The following PLAAT2 variants were observed in gnomAD, a reference collection of about 807,000 sequenced individuals.
PLAAT2 encodes phospholipase A and acyltransferase 2.
In PLAAT2, 12 loss-of-function variants were observed where a neutral mutation model predicts 12.8. That is an observed-to-expected ratio of 0.94 (90% confidence interval 0.60 to 1.52). The LOEUF (loss-of-function observed/expected upper bound fraction) is 1.52, where lower values mean the gene tolerates loss of function less well. PLAAT2 is among the 40% of genes most tolerant of loss of function. The pLI is 0.00. For synonymous variants in PLAAT2, 79 were observed against 86.8 expected (o/e 0.91, Z 0.50); for missense variants, 166 against 208.1 (o/e 0.80, Z 1.24).
chr11:63,555,959 A>T (rs2134369460), intron 3 of PLAAT2, among the ~76,000 whole-genome samples: 1 of 152,356 alleles, frequency 6.6e-6, no homozygotes, highest in Non-Finnish European at 1.5e-5. Flanking sequence ...TGTTCGTTAG[A>T]ACAAATGGTA....
In PLAAT2 at chr11:63,558,458, C is replaced by T. The variant is rs1278827542; in HGVS notation, c.321G>A (p.Ser107=). ...AGTGCTCGCAGTTGTCACTGGTCAG[C>T]GAATAAGGCAACTCCTGCCCCACCA... The part of the protein sequence containing the change: ...EELVGQELPY[S]LTSDNCEHFV... The change falls in exon 3 of 4, where the codon TCG becomes TCA. Residue 107 remains serine, a synonymous_variant. Coordinates refer to ENST00000255695, the MANE Select transcript of PLAAT2 (RefSeq NM_017878.2). The T allele has an allele frequency of 1.9e-6, 3 of 1,614,198 alleles. No individual in the cohort carries two copies. The highest frequency in any genetic ancestry group is 2.2e-5 in the East Asian group (1 of 44,884).
intron 3 of PLAAT2, among the ~76,000 whole-genome samples, chr11:63,554,354 G>T (rs974254158): frequency 1.3e-5 from 2 of 151,486 alleles, no homozygotes; most frequent in South Asian, 2.1e-4. Flanking sequence ...CAAAGGCCGG[G>T]GGGGCGGTGG....
In PLAAT2 at chr11:63,563,371, C is replaced by CAG; in HGVS notation, c.-48_-47insCT. The CAG allele has an allele frequency of 6.2e-7, 1 of 1,613,364 alleles. No homozygotes were observed. Among genetic ancestry groups the CAG allele is most frequent in the South Asian group, 1.1e-5 (1 of 91,062 alleles). On this transcript the variant is annotated 5_prime_UTR_variant, in exon 1 of 4. Transcript: ENST00000255695. ...TGTGTGTTGCTGACTCTGTGTCCAG[C>CAG]CTTAAATTAGCTCTGAGTTTCACTT...
At chr11:63,555,365 T>A (rs908717999) in intron 3 of PLAAT2, among the ~76,000 whole-genome samples, 4 of 152,242 alleles carry the variant, frequency 2.6e-5, no homozygotes, top group African/African-American at 4.8e-5. Flanking sequence ...TACACATTTT[T>A]AAAATACAGT....
intron 2 of PLAAT2, 95 bp downstream of exon 2, chr11:63,559,990 C>G (rs1333078626): frequency 2.5e-6 from 2 of 801,370 alleles, no homozygotes; most frequent in South Asian, 1.7e-5. Context: ...AGTGCCTACT[C>G]TGCTAGACCC....
upstream of PLAAT2, among the ~76,000 whole-genome samples, chr11:63,563,680 T>C (rs866334008): frequency 2.9e-5 from 4 of 137,096 alleles, no homozygotes; most frequent in Admixed American, 8.3e-5. Context: ...GTCGTGCCAC[T>C]GCACTCTAGC....
intron 3 of PLAAT2, among the ~76,000 whole-genome samples, chr11:63,554,550 C>T (rs2017448778): frequency 6.6e-6 from 1 of 151,640 alleles, no homozygotes; most frequent in African/African-American, 2.4e-5. Flanking sequence ...ATTGCTTGAA[C>T]CCAGGAGGCA....
Position 63,554,236 on chromosome 11 carries a change from C to G in PLAAT2, c.388-1171G>C, listed in dbSNP as rs114254660. Among the ~76,000 whole-genome samples the G allele has an allele frequency of 7.6e-3, 1,153 of 152,156 alleles. 15 individuals carry two copies. Among genetic ancestry groups the G allele is most frequent in the African/African-American group, 0.026 (1,079 of 41,506 alleles). On this transcript the variant is annotated intron_variant, in intron 3 of 3. Transcript: ENST00000255695. ...ATATCAGCACTGTGCTGGGAACTCT[C>G]CAGGCCCAGTATTTTTTTTAATCTG...
rs530690235 is a variant in PLAAT2 at position 63,562,763 on chromosome 11, TG to T, written c.9+552del. On this transcript the variant is annotated intron_variant, in intron 1 of 3. Coordinates refer to ENST00000255695, the MANE Select transcript of PLAAT2 (RefSeq NM_017878.2). Reference sequence around the variant, plus strand: ...AGCACTTGGGAAATGTGGCTGCTATTGGGTCTAAAGGAAGAAGGAAACTAAG... The same window carrying T: ...AGCACTTGGGAAATGTGGCTGCTATTGGTCTAAAGGAAGAAGGAAACTAAG... 1.1e-3 allele frequency among the ~76,000 whole-genome samples: 172 copies of T among 152,324 alleles called. 1 individual carries two copies. Among genetic ancestry groups the T allele is most frequent in the African/African-American group, 3.8e-3 (159 of 41,576 alleles).
intron 3 of PLAAT2, among the ~76,000 whole-genome samples, 186 bp downstream of exon 3, chr11:63,558,206 C>T (rs966591059): frequency 6.6e-6 from 1 of 152,188 alleles, no homozygotes; most frequent in Non-Finnish European, 1.5e-5. Context: ...ACATTGCCGA[C>T]TTGCCTATCT....
upstream of PLAAT2, among the ~76,000 whole-genome samples, chr11:63,564,843 CCT>C (rs148074054): frequency 6.4e-3 from 970 of 152,238 alleles, 12 homozygotes; most frequent in African/African-American, 0.02. Flanking sequence ...ACATCACACC[CCT>C]GTTTCCTGGG....
rs1221992309 is a variant in PLAAT2, at chr11:63,563,302, T to C, written c.9+14A>G. On this transcript the variant is annotated intron_variant, in intron 1 of 3. Transcript: ENST00000255695. Reference sequence around the variant, plus strand: ...CCTCAAATCAAAGCTTTAAAACCGTTTCTGGGGACTTACCAAAGCCATCCT... The same window carrying C: ...CCTCAAATCAAAGCTTTAAAACCGTCTCTGGGGACTTACCAAAGCCATCCT... The C allele has an allele frequency of 1.9e-6, 3 of 1,613,908 alleles. No individual in the cohort carries two copies. The highest frequency in any genetic ancestry group is 1.3e-5 in the African/African-American group (1 of 74,908).
chr11:63,555,685 G>A (rs2017460362), intron 3 of PLAAT2, among the ~76,000 whole-genome samples: 1 of 152,218 alleles, frequency 6.6e-6, no homozygotes, highest in Non-Finnish European at 1.5e-5. Context: ...CAGCCTGGGT[G>A]ACAGAGTGAG....
At chr11:63,558,136 A>AG (rs936404786) in intron 3 of PLAAT2, among the ~76,000 whole-genome samples, 4 of 152,228 alleles carry the variant, frequency 2.6e-5, no homozygotes, top group African/African-American at 9.6e-5. Flanking sequence ...AGGGCTGTGG[A>AG]GGGCTGTTTC....
rs781640640 is a variant in PLAAT2, at chr11:63,558,442, A to C, written c.337T>G (p.Cys113Gly). The C allele has an allele frequency of 6.2e-7, 1 of 1,614,208 alleles. No homozygotes were observed. Among genetic ancestry groups the C allele is most frequent in the Non-Finnish European group, 8.5e-7 (1 of 1,180,046 alleles). ...ELPYSLTSDN[C>G]EHFVNHLRYG... ...CGCAGATGGTTCACGAAGTGCTCGCAGTTGTCACTGGTCAGCGAATAAGGC... is the reference window on the plus strand; with the variant it reads ...CGCAGATGGTTCACGAAGTGCTCGCCGTTGTCACTGGTCAGCGAATAAGGC... Residue 113 changes from cysteine (C) to glycine (G), a missense_variant, in exon 3 of 4, where the codon TGC becomes GGC. Coordinates refer to ENST00000255695, the MANE Select transcript of PLAAT2 (RefSeq NM_017878.2).
In PLAAT2 at chr11:63,559,987, A is replaced by G. The variant is rs2017503101; in HGVS notation, c.118+98T>C. On this transcript the variant is annotated intron_variant, in intron 2 of 3. Transcript: ENST00000255695. ...ATTCAGCATTATGTATTGAGTGCCTACTCTGCTAGACCCTGAAGTGAGGAC... is the reference window on the plus strand; with the variant it reads ...ATTCAGCATTATGTATTGAGTGCCTGCTCTGCTAGACCCTGAAGTGAGGAC... 3 of 744,738 alleles carry G rather than the reference A, an allele frequency of 4.0e-6. No homozygotes were observed. The Admixed American group carries it at 7.1e-5, about 18-fold the overall frequency. The allele number at this position is 744,738 out of a possible 1,614,324, so 46.1% of individuals were successfully genotyped here.
In PLAAT2 at chr11:63,560,141, T is replaced by C; in HGVS notation, c.62A>G (p.Tyr21Cys). 1 of 1,613,932 alleles carries C rather than the reference T, an allele frequency of 6.2e-7. No homozygotes were observed. Among genetic ancestry groups the C allele is most frequent in the Non-Finnish European group, 8.5e-7 (1 of 1,179,892 alleles). ...TCCCACGTAGATGGCCCAGTGTGCA[T>C]AGCCAAAGCGAGAAATCTCAATCAG... ...GDLIEISRFG[Y>C]AHWAIYVGDG... The change falls in exon 2 of 4, where the codon TAT becomes TGT. Residue 21 changes from tyrosine (Y) to cysteine (C), a missense_variant. Transcript: ENST00000255695.
intron 1 of PLAAT2, among the ~76,000 whole-genome samples, chr11:63,560,598 A>C (rs766810061): frequency 6.6e-6 from 1 of 152,210 alleles, no homozygotes; most frequent in Non-Finnish European, 1.5e-5. Flanking sequence ...CCTGGGCCCA[A>C]GTGATTCCTA....
In PLAAT2 at chr11:63,552,978, G is replaced by A. The variant is rs141002789; in HGVS notation, c.475C>T (p.Arg159Trp). 1.5e-3 allele frequency: 2,348 copies of A among 1,612,584 alleles called. 4 individuals carry two copies. The highest frequency in any genetic ancestry group is 0.01 in the African/African-American group (756 of 74,964). ...LVGILLARSK[R>W]ERQ ...ATTTCTTGGATTTATTGCCTTTCCC[G>A]CTTGCTTCTGGCCAGCAGGATCCCC... The change falls in exon 4 of 4, where the codon CGG (arginine) becomes TGG (tryptophan). Residue 159 changes from arginine (R) to tryptophan (W), a missense_variant. By Grantham distance (101) the Arg-to-Trp change is moderately radical. Transcript: ENST00000255695.
Sources: allele counts gnomAD v4.1 joint callset (sites outside exome capture counted in the v4.1 genomes callset), GRCh38; gene constraint gnomAD v4.1.1; transcripts MANE v1.5; gene names NCBI Gene and HGNC (gene_info 2026-07-23, HGNC 2026-07-21).